TMC1: variants seen among roughly 807,000 people sequenced by gnomAD.
TMC1 encodes transmembrane channel-like protein 1.
In TMC1, 84 loss-of-function variants were observed where a neutral mutation model predicts 105.8. The ratio of observed to expected loss-of-function variants is 0.79; its 90% confidence interval spans 0.67 to 0.95. The LOEUF (loss-of-function observed/expected upper bound fraction) is 0.95, where lower values mean the gene tolerates loss of function less well. Among genes scored for constraint, TMC1 ranks in the 40% least tolerant of loss-of-function variants. TMC1 has a pLI of 0.00. For missense variants in TMC1, 817 were observed against 914.1 expected (o/e 0.89, Z 1.37); for synonymous variants, 315 against 311.5 (o/e 1.01, Z -0.12).
rs182309556 is a variant in TMC1, at chr9:72,665,118, A to G, written c.16+16454A>G. 4.6e-3 allele frequency among the ~76,000 whole-genome samples: 701 copies of G among 152,346 alleles called. 3 individuals carry two copies. Among genetic ancestry groups the G allele is most frequent in the Middle Eastern group, 0.014 (4 of 294 alleles). ...TCCCCTTTCAATGTCAGTAGGTAATAGGAATTTTTTAGCTCCTTTATAATC... is the reference window on the plus strand; with the variant it reads ...TCCCCTTTCAATGTCAGTAGGTAATGGGAATTTTTTAGCTCCTTTATAATC... On this transcript the variant is annotated intron_variant, in intron 5 of 23. Transcript: ENST00000297784.
chr9:72,814,526 G>A (rs1255281236), intron 18 of TMC1, among the ~76,000 whole-genome samples: 3 of 152,166 alleles, frequency 2.0e-5, no homozygotes, highest in Non-Finnish European at 4.4e-5. Context: ...ACAGTATCTA[G>A]AGTGATACTG....
chr9:72,806,199 C>A (rs190907447), intron 18 of TMC1, among the ~76,000 whole-genome samples: 1 of 130,500 alleles, frequency 7.7e-6, no homozygotes, highest in African/African-American at 2.5e-5. Flanking sequence ...CCCTCCCGGA[C>A]GGGGCGGCTG....
chr9:72,794,137 A>C (rs4294249), intron 17 of TMC1, among the ~76,000 whole-genome samples: 151,098 of 151,952 alleles, frequency 0.99, 75,125 homozygotes, highest in Middle Eastern at 1. Context: ...ACAACATAGA[A>C]CATCCATCCT....
At chr9:72,662,525 T>G (rs2132162040) in intron 5 of TMC1, among the ~76,000 whole-genome samples, 1 of 152,234 alleles carries the variant, frequency 6.6e-6, no homozygotes, top group East Asian at 1.9e-4. Flanking sequence ...TACCATCATT[T>G]TGGCTGCTTA....
chr9:72,639,917 A>G (rs1322802539), intron 4 of TMC1, among the ~76,000 whole-genome samples: 1 of 152,228 alleles, frequency 6.6e-6, no homozygotes, highest in Non-Finnish European at 1.5e-5. Flanking sequence ...TCCAGCAACC[A>G]AAATTAATCC....
At chr9:72,719,820 A>T (rs935340849) in intron 8 of TMC1, among the ~76,000 whole-genome samples, 1 of 152,108 alleles carries the variant, frequency 6.6e-6, no homozygotes, top group Non-Finnish European at 1.5e-5. Context: ...GAGTATAGCA[A>T]TTTTTCATCT....
intron 8 of TMC1, among the ~76,000 whole-genome samples, chr9:72,713,746 G>T (rs1826873144): frequency 6.7e-6 from 1 of 150,166 alleles, no homozygotes; most frequent in Non-Finnish European, 1.5e-5. Flanking sequence ...TTTTTGAAGG[G>T]CTTTTTGTAT....
rs1184244665 is a variant in TMC1, at chr9:72,828,721, A to G, written c.2129+1727A>G. Among the ~76,000 whole-genome samples the G allele has an allele frequency of 5.3e-5, 8 of 152,052 alleles. No homozygotes were observed. In the East Asian group the frequency reaches 1.5e-3, roughly 29 times the overall value. On this transcript the variant is annotated intron_variant, in intron 21 of 23. Coordinates refer to ENST00000297784, the MANE Select transcript of TMC1 (RefSeq NM_138691.3). The stretch of plus-strand genomic sequence containing the variant: ...AGTCAAGTGACTAAGTGGAACTGAA[A>G]CTCATGTCTTCTCCTTATTTCCTAC...
intron 5 of TMC1, among the ~76,000 whole-genome samples, chr9:72,686,189 C>G (rs1030195636): frequency 6.6e-6 from 1 of 152,112 alleles, no homozygotes; most frequent in African/African-American, 2.4e-5. Context: ...ACAGACTTCC[C>G]CTCCTCTTCC....
chr9:72,660,346 T>C (rs112330565), intron 5 of TMC1, among the ~76,000 whole-genome samples: 1 of 152,352 alleles, frequency 6.6e-6, no homozygotes, highest in African/African-American at 2.4e-5. Context: ...CCTTGAACTC[T>C]ACATTCAGGT....
chr9:72,650,859 T>G (rs1825793302), intron 5 of TMC1, among the ~76,000 whole-genome samples: 2 of 144,520 alleles, frequency 1.4e-5, no homozygotes, highest in African/African-American at 2.6e-5. Context: ...TGCATGGTAT[T>G]TCATGGTGTA....
Position 72,694,638 on chromosome 9 carries a change from C to T in TMC1, c.160C>T (p.Pro54Ser), listed in dbSNP as rs780458439. ...RTRDVINEDD[P>S]EPEPEDEETR... is the part of the protein sequence containing the mutation. ...CAGAGATGTTATCAATGAGGATGAC[C>T]CAGAACCTGAACCAGAGGATGAAGA... The change falls in exon 7 of 24, where the codon CCA (proline) becomes TCA (serine). Residue 54 changes from proline to serine, a missense_variant. Pro to Ser is a moderately conservative substitution (Grantham distance 74, BLOSUM62 -1). Transcript: ENST00000297784. 26 of 1,612,548 alleles carry T rather than the reference C, an allele frequency of 1.6e-5. No homozygotes were observed. The East Asian group carries it at 5.4e-4, about 33-fold the overall frequency.
chr9:72,581,556 AAGAAGAATTAC>A (rs1268403292), intron 2 of TMC1, among the ~76,000 whole-genome samples: 5 of 152,216 alleles, frequency 3.3e-5, no homozygotes, highest in Non-Finnish European at 5.9e-5. Flanking sequence ...TTATTACTAA[AAGAAGAATTAC>A]AGTTTTGCTA....
At chr9:72,706,612 T>C (rs1826744490) in intron 8 of TMC1, among the ~76,000 whole-genome samples, 1 of 152,150 alleles carries the variant, frequency 6.6e-6, no homozygotes, top group South Asian at 2.1e-4. Flanking sequence ...GACCACTGTA[T>C]CATTCTTATG....
intron 5 of TMC1, among the ~76,000 whole-genome samples, chr9:72,669,593 G>T (rs1417794310): frequency 1.3e-5 from 2 of 151,976 alleles, no homozygotes; most frequent in East Asian, 3.9e-4. Flanking sequence ...ATGCATAATT[G>T]ATATAACCCT....
At chr9:72,612,770 A>G (rs1197489739) in intron 2 of TMC1, among the ~76,000 whole-genome samples, 1 of 152,172 alleles carries the variant, frequency 6.6e-6, no homozygotes, top group Non-Finnish European at 1.5e-5. Context: ...CCTAAGGGAC[A>G]TTTGTTAATT....
chr9:72,743,121 ACT>A (rs1827419711), intron 10 of TMC1, among the ~76,000 whole-genome samples: 1 of 151,900 alleles, frequency 6.6e-6, no homozygotes. Flanking sequence ...TAATCCCAGC[ACT>A]TTGGGAGGCC....
chr9:72,620,578 G>A (rs1278353893), intron 3 of TMC1, among the ~76,000 whole-genome samples: 2 of 151,926 alleles, frequency 1.3e-5, no homozygotes, highest in East Asian at 3.9e-4. Flanking sequence ...ACATGGTCCT[G>A]GATACTTCAT....
intron 5 of TMC1, among the ~76,000 whole-genome samples, chr9:72,675,298 C>T (rs1435477353): frequency 6.6e-6 from 1 of 152,052 alleles, no homozygotes; most frequent in Non-Finnish European, 1.5e-5. Flanking sequence ...GCTTCTGAGG[C>T]TACTAATAGA....
Sources: gnomAD v4.1 joint callset for allele counts (sites outside exome capture counted in the v4.1 genomes callset) on GRCh38, gnomAD v4.1.1 for gene constraint, MANE v1.5 for transcripts, NCBI Gene and HGNC (gene_info 2026-07-23, HGNC 2026-07-21) for gene names.